USP49: variants seen among roughly 807,000 people sequenced by gnomAD.
The protein encoded by USP49 is ubiquitin specific peptidase 49, also known as ubiquitin carboxyl-terminal hydrolase 49.
USP49 carries 24 observed loss-of-function variants against 58.6 expected under a neutral mutation model. The observed-to-expected ratio is 0.41, with a 90% CI of 0.30 to 0.58. The LOEUF (loss-of-function observed/expected upper bound fraction) is 0.58. Among genes scored for constraint, USP49 ranks in the 20% least tolerant of loss-of-function variants. The probability of loss-of-function intolerance (pLI) is 0.30; values close to 1 mark genes in which losing one functional copy is unlikely to be tolerated. For missense variants in USP49, 703 were observed against 866.1 expected (o/e 0.81, Z 2.36); for synonymous variants, 408 against 365.1 (o/e 1.12, Z -1.34).
At chr6:41,846,727 T>A (rs1009678472) in intron 3 of USP49, among the ~76,000 whole-genome samples, 1 of 152,188 alleles carries the variant, frequency 6.6e-6, no homozygotes, top group Non-Finnish European at 1.5e-5. Flanking sequence ...TCCTTTCATG[T>A]CCTTCTTCCT....
Position 41,819,094 on chromosome 6 carries a change from A to G in USP49, c.-28-12083T>C, listed in dbSNP as rs534231270. ...TGCTTTTGAAATGGAACAGGAAATC[A>G]GGTGGGGAGAAGAGCCAGATACAAG... On this transcript the variant is annotated intron_variant, in intron 3 of 7. Transcript: ENST00000682992. 2.0e-5 allele frequency among the ~76,000 whole-genome samples: 3 copies of G among 152,248 alleles called. No individual in the cohort carries two copies. In the East Asian group the frequency reaches 5.8e-4, roughly 29 times the overall value.
At chr6:41,851,453 TCAAA>T (rs1774026333) in intron 3 of USP49, among the ~76,000 whole-genome samples, 2 of 151,892 alleles carry the variant, frequency 1.3e-5, no homozygotes, top group Non-Finnish European at 2.9e-5. Context: ...TGACAAAACA[TCAAA>T]CAAAGTATAA....
chr6:41,814,245 T>C (rs9471668), intron 3 of USP49, among the ~76,000 whole-genome samples: 2,978 of 152,296 alleles, frequency 0.02, 89 homozygotes, highest in African/African-American at 0.066. Context: ...TGACAAAATA[T>C]CAGCTTTTGC....
intron 3 of USP49, among the ~76,000 whole-genome samples, chr6:41,853,170 G>C (rs900034534): frequency 6.6e-6 from 1 of 152,164 alleles, no homozygotes; most frequent in East Asian, 1.9e-4. Context: ...TGGGCAACAA[G>C]AGCGAAACTC....
intron 1 of USP49, 27 bp from the exon 2 acceptor site, chr6:41,891,902 T>C (rs970415902): frequency 6.6e-6 from 1 of 152,216 alleles, no homozygotes; most frequent in African/African-American, 2.4e-5. Flanking sequence ...AAACATTTAA[T>C]TATGTACAGC....
intron 3 of USP49, among the ~76,000 whole-genome samples, chr6:41,847,065 C>T (rs1172842864): frequency 6.6e-6 from 1 of 152,192 alleles, no homozygotes; most frequent in African/African-American, 2.4e-5. Context: ...AGTCACTAGA[C>T]AAAGACTTGG....
intron 3 of USP49, among the ~76,000 whole-genome samples, chr6:41,833,567 G>A (rs1773673716): frequency 6.6e-6 from 1 of 152,158 alleles, no homozygotes; most frequent in Non-Finnish European, 1.5e-5. Context: ...ATTTTTGAAA[G>A]ATTTTAGAAA....
At position 41,791,039 on chromosome 6, in the gene USP49, G is replaced by A. The variant is rs1005563752; in HGVS notation, c.*5494C>T. ...TACCAGCACCTCCTGTTCTTTATAG[G>A]AATGAAACTTAGATCCTTAAAGGCT... On this transcript the variant is annotated 3_prime_UTR_variant, in exon 8 of 8. Transcript: ENST00000682992. 6.6e-6 allele frequency: 1 copy of A among 152,144 alleles called. No homozygotes were observed. The highest frequency in any genetic ancestry group is 2.4e-5 in the African/African-American group (1 of 41,438). The allele number at this position is 152,144 out of a possible 1,614,324, so 9.4% of individuals were successfully genotyped here.
At chr6:41,888,500 C>T (rs949072417) in intron 2 of USP49, among the ~76,000 whole-genome samples, 1 of 152,170 alleles carries the variant, frequency 6.6e-6, no homozygotes, top group Non-Finnish European at 1.5e-5. Context: ...GTTGCCCAGG[C>T]TGGAGTACAA....
intron 7 of USP49, chr6:41,797,687 C>T (rs1772910141): frequency 1.0e-6 from 1 of 985,742 alleles, no homozygotes; most frequent in African/African-American, 1.7e-5. Context: ...TAGTGAGATT[C>T]ATACAATATC....
chr6:41,815,703 C>G (rs2127330237), intron 3 of USP49, among the ~76,000 whole-genome samples: 1 of 152,294 alleles, frequency 6.6e-6, no homozygotes, highest in Admixed American at 6.5e-5. Context: ...GTTCTTAGCT[C>G]TCTGACCCAA....
chr6:41,830,994 T>C (rs1177115991), intron 3 of USP49, among the ~76,000 whole-genome samples: 1 of 151,998 alleles, frequency 6.6e-6, no homozygotes, highest in African/African-American at 2.4e-5. Context: ...TGGTGACTCA[T>C]GCCTGTAATC....
intron 3 of USP49, among the ~76,000 whole-genome samples, chr6:41,835,463 C>T (rs1196170958): frequency 6.6e-6 from 1 of 152,032 alleles, no homozygotes; most frequent in Admixed American, 6.6e-5. Context: ...CCTGTAATCC[C>T]AGCACTTTGG....
rs1176343289 is a variant in USP49, at chr6:41,806,699, T to G, written c.285A>C (p.Leu95=). 10 of 1,614,112 alleles carry G rather than the reference T, an allele frequency of 6.2e-6. No individual in the cohort carries two copies. Residue 95 remains leucine, a synonymous_variant, in exon 4 of 8, where the codon CTA becomes CTC. Coordinates refer to ENST00000682992, the MANE Select transcript of USP49 (RefSeq NM_001286554.2). The surrounding 1 kb of genome is among the most constrained non-coding windows in gnomAD (Gnocchi z 5.9). Reference sequence around the variant, plus strand: ...CCCGGACCGCCAGGAGGGAGCTTCTTAGCAGCTTCAGGTCCCCCTCTGGGT... The same window carrying G: ...CCCGGACCGCCAGGAGGGAGCTTCTGAGCAGCTTCAGGTCCCCCTCTGGGT... The part of the protein sequence containing the change: ...NDNPEGDLKL[L]RSSLLAVRGQ...
chr6:41,800,004 G>A, intron 5 of USP49, 66 bp from the exon 6 acceptor site: 1 of 1,406,982 alleles, frequency 7.1e-7, no homozygotes. Flanking sequence ...GGCAGAGACA[G>A]TGACTTGCCA....
In USP49 at chr6:41,817,150, C is replaced by CTTTTT. The variant is rs34281670; in HGVS notation, c.-28-10144_-28-10140dup. ...CCACCACGCCTGGCTCCCACGCATG[C>CTTTTT]TTTTTTTTTTTTTTTTTGAGACAGA... On this transcript the variant is annotated intron_variant, in intron 3 of 7. Transcript: ENST00000682992. Among the ~76,000 whole-genome samples the CTTTTT allele has an allele frequency of 2.1e-3, 220 of 104,334 alleles. 17 individuals carry two copies. Among genetic ancestry groups the CTTTTT allele is most frequent in the African/African-American group, 6.8e-3 (154 of 22,554 alleles). 68.4% of individuals were successfully genotyped at this position (104,334 alleles called of 152,430 possible).
intron 2 of USP49, among the ~76,000 whole-genome samples, chr6:41,890,521 T>A (rs1303675080): frequency 6.6e-6 from 1 of 152,124 alleles, no homozygotes; most frequent in African/African-American, 2.4e-5. Context: ...GAGACAAGCC[T>A]GGGCAACATG....
chr6:41,861,002 G>T (rs767604361), intron 3 of USP49, among the ~76,000 whole-genome samples: 1 of 151,946 alleles, frequency 6.6e-6, no homozygotes, highest in Admixed American at 6.6e-5. Context: ...GGTGGCACAC[G>T]CCTGTAATCC....
intron 2 of USP49, among the ~76,000 whole-genome samples, chr6:41,879,080 T>C (rs1385562243): frequency 6.6e-6 from 1 of 152,254 alleles, no homozygotes; most frequent in Non-Finnish European, 1.5e-5. Flanking sequence ...GCACTCATTC[T>C]ACAAAAATGC....
Sources: gnomAD v4.1 joint callset for allele counts (sites outside exome capture counted in the v4.1 genomes callset) on GRCh38, gnomAD v4.1.1 for gene constraint, Gnocchi (gnomAD v3.1) non-coding constraint, MANE v1.5 for transcripts, NCBI Gene and HGNC (gene_info 2026-07-23, HGNC 2026-07-21) for gene names.